Variants in FGF14 observed in about 807,000 individuals in gnomAD.
FGF14 encodes the protein fibroblast growth factor 14.
In FGF14, 5 loss-of-function variants were observed where a neutral mutation model predicts 25.5. The ratio of observed to expected loss-of-function variants is 0.20; its 90% CI spans 0.10 to 0.41. The LOEUF (loss-of-function observed/expected upper bound fraction) is 0.41, where lower values mean the gene tolerates loss of function less well. FGF14 is among the 10% of genes least tolerant of loss of function. FGF14 has a pLI of 1.00. For synonymous variants in FGF14, 138 were observed against 118.3 expected, an observed-to-expected ratio of 1.17 and a Z score of -1.08; for missense variants, 222 against 320.1, an observed-to-expected ratio of 0.69 and a Z score of 2.34.
intron 1 of FGF14, among the ~76,000 whole-genome samples, chr13:102,105,467 T>C (rs1323171363): frequency 6.6e-6 from 1 of 152,156 alleles, no homozygotes; most frequent in Non-Finnish European, 1.5e-5. Context: ...GGGGGAAAAA[T>C]CTAGCTTGAA....
intron 1 of FGF14, among the ~76,000 whole-genome samples, chr13:102,161,603 A>G (rs867870375): frequency 0.25 from 1,110 of 4,486 alleles, 23 homozygotes; most frequent in Non-Finnish European, 0.26. Context: ...AAGAAGAAGA[A>G]GAAGAAGAAG....
intron 1 of FGF14, among the ~76,000 whole-genome samples, chr13:102,396,194 C>G (rs574915263): frequency 6.6e-6 from 1 of 152,264 alleles, no homozygotes; most frequent in African/African-American, 2.4e-5. Flanking sequence ...TTCCCTGTCC[C>G]TATTTACAGG....
chr13:102,000,431 C>T (rs16959548), intron 1 of FGF14, among the ~76,000 whole-genome samples: 11,433 of 152,196 alleles, frequency 0.075, 1,399 homozygotes, highest in African/African-American at 0.26. Context: ...ATGCAAATAT[C>T]TGTAAAGAGG....
At chr13:101,864,729 G>A (rs1386364660) in intron 3 of FGF14, among the ~76,000 whole-genome samples, 1 of 152,092 alleles carries the variant, frequency 6.6e-6, no homozygotes, top group African/African-American at 2.4e-5. Context: ...GAGAACACTG[G>A]CACTTACGAC....
At chr13:101,825,884 C>T (rs2042371598) in intron 3 of FGF14, among the ~76,000 whole-genome samples, 1 of 151,958 alleles carries the variant, frequency 6.6e-6, no homozygotes, top group Non-Finnish European at 1.5e-5. Flanking sequence ...TTGATATTTC[C>T]TGATATAAAG....
At chr13:102,021,455 G>A (rs1469311718) in intron 1 of FGF14, among the ~76,000 whole-genome samples, 11 of 151,914 alleles carry the variant, frequency 7.2e-5, no homozygotes, top group Admixed American at 6.6e-4. Flanking sequence ...TGGGAGAACT[G>A]TAGAGGAACT....
At chr13:101,734,111 T>A (rs1362452485) in intron 3 of FGF14, among the ~76,000 whole-genome samples, 1 of 152,020 alleles carries the variant, frequency 6.6e-6, no homozygotes, top group African/African-American at 2.4e-5. Context: ...TGGAAGCTTG[T>A]TAGAAATGCA....
chr13:102,334,245 T>C (rs2056723039), intron 1 of FGF14, among the ~76,000 whole-genome samples: 1 of 152,154 alleles, frequency 6.6e-6, no homozygotes, highest in East Asian at 1.9e-4. Context: ...TAGGCAAATG[T>C]TAAGTTGATT....
intron 3 of FGF14, among the ~76,000 whole-genome samples, chr13:101,789,463 G>GA (rs1236591251): frequency 6.6e-6 from 1 of 152,106 alleles, no homozygotes; most frequent in East Asian, 1.9e-4. Flanking sequence ...GACTCACCTG[G>GA]AAAATCATGC....
At chr13:102,264,638 C>T (rs2052894727) in intron 1 of FGF14, among the ~76,000 whole-genome samples, 2 of 104,444 alleles carry the variant, frequency 1.9e-5, no homozygotes, top group Non-Finnish European at 4.7e-5. Context: ...TGTACAGAAA[C>T]CACAAAGGAT....
At chr13:101,935,089 A>G (rs2035014479) in intron 1 of FGF14, among the ~76,000 whole-genome samples, 1 of 152,232 alleles carries the variant, frequency 6.6e-6, no homozygotes, top group Non-Finnish European at 1.5e-5. Context: ...ACTCAAAGAA[A>G]GAAAAGTAGG....
intron 1 of FGF14, among the ~76,000 whole-genome samples, chr13:102,277,652 AC>A (rs1227399699): frequency 1.3e-5 from 2 of 152,248 alleles, no homozygotes; most frequent in African/African-American, 4.8e-5. Flanking sequence ...GAGAGGGAAG[AC>A]TTTTCATAAG....
chr13:101,853,921 C>T (rs1218914401), intron 3 of FGF14, among the ~76,000 whole-genome samples: 2 of 151,956 alleles, frequency 1.3e-5, no homozygotes, highest in African/African-American at 2.4e-5. Flanking sequence ...CATTATGTGA[C>T]CTCAAAATTA....
Position 102,328,330 on chromosome 13 carries a change from T to C in FGF14, c.208+73141A>G, listed in dbSNP as rs111908443. The stretch of plus-strand genomic sequence containing the variant: ...AAGCACTAACTGGGCAGAAATCAAA[T>C]TCTTTGCAAGTGGCTATAAAATTCT... On this transcript the variant is annotated intron_variant, in intron 1 of 4. Coordinates refer to the FGF14 transcript ENST00000376131. Among the ~76,000 whole-genome samples the C allele has an allele frequency of 4.5e-3, 688 of 152,358 alleles. 5 individuals are homozygous for C. Among genetic ancestry groups the C allele is most frequent in the African/African-American group, 0.016 (650 of 41,590 alleles).
intron 1 of FGF14, among the ~76,000 whole-genome samples, chr13:102,345,310 C>G (rs2057072352): frequency 6.6e-6 from 1 of 152,196 alleles, no homozygotes; most frequent in African/African-American, 2.4e-5. Flanking sequence ...ATACATCTTA[C>G]AGCATGTGTG....
intron 1 of FGF14, among the ~76,000 whole-genome samples, chr13:102,210,036 C>T (rs1162518984): frequency 6.6e-6 from 1 of 151,730 alleles, no homozygotes; most frequent in East Asian, 1.9e-4. Flanking sequence ...ATATTTAAAG[C>T]CCATCTGTTT....
At chr13:102,255,953 T>C (rs1000476552) in intron 1 of FGF14, among the ~76,000 whole-genome samples, 7 of 152,170 alleles carry the variant, frequency 4.6e-5, no homozygotes, top group Non-Finnish European at 1.0e-4. Flanking sequence ...GTGGGACTGG[T>C]TCTGGTGGAG....
chr13:102,360,099 C>G (rs1340339327), intron 1 of FGF14, among the ~76,000 whole-genome samples: 1 of 152,074 alleles, frequency 6.6e-6, no homozygotes, highest in Admixed American at 6.6e-5. Context: ...CTCATTTGCC[C>G]CTTCAGCCAT....
intron 3 of FGF14, chr13:101,802,458 G>A: frequency 5.1e-6 from 1 of 196,508 alleles, no homozygotes; most frequent in Admixed American, 5.4e-5. Flanking sequence ...AAAAAAAACT[G>A]TTTTATCTGT....
Sources: allele counts gnomAD v4.1 joint callset (sites outside exome capture counted in the v4.1 genomes callset), GRCh38; gene constraint gnomAD v4.1.1; transcripts MANE v1.5; gene names NCBI Gene and HGNC (gene_info 2026-07-23, HGNC 2026-07-21).